The following NYAP2 variants were observed in gnomAD, a reference collection of about 807,000 sequenced individuals.
The protein encoded by NYAP2 is neuronal tyrosine-phosphorylated phosphoinositide-3-kinase adaptor 2.
NYAP2 carries 23 observed loss-of-function variants against 50.4 expected under a neutral mutation model. The observed-to-expected ratio is 0.46, with a 90% CI of 0.33 to 0.65. The LOEUF (loss-of-function observed/expected upper bound fraction) is 0.65. Ranked by LOEUF, NYAP2 falls within the 30% of genes least tolerant of loss-of-function variation. NYAP2 has a pLI of 0.02. For missense variants in NYAP2, 885 were observed against 861.0 expected (o/e 1.03, Z -0.35); for synonymous variants, 394 against 365.2 (o/e 1.08, Z -0.90).
At chr2:225,485,327 C>T (rs1191978977) in intron 3 of NYAP2, among the ~76,000 whole-genome samples, 3 of 152,162 alleles carry the variant, frequency 2.0e-5, no homozygotes, top group African/African-American at 7.2e-5. Flanking sequence ...AACCTCTTTC[C>T]CTTATAAATT....
intron 5 of NYAP2, among the ~76,000 whole-genome samples, chr2:225,597,105 G>T (rs1450004363): frequency 6.6e-6 from 1 of 151,910 alleles, no homozygotes; most frequent in East Asian, 1.9e-4. Context: ...AATGTCCTGG[G>T]GTTAAAAAAA....
At chr2:225,468,291 G>A (rs770687914) in intron 3 of NYAP2, among the ~76,000 whole-genome samples, 11 of 152,066 alleles carry the variant, frequency 7.2e-5, no homozygotes, top group South Asian at 2.1e-4. Flanking sequence ...ATGTGTAGAC[G>A]TAGGCAGAGA....
At chr2:225,684,870 C>T in the NYAP2 span, among the ~76,000 whole-genome samples, 18 of 152,100 alleles carry the variant, frequency 1.2e-4, no homozygotes, top group Non-Finnish European at 2.4e-4. Context: ...GCATTTTATA[C>T]AAAACACAAC....
intron 4 of NYAP2, among the ~76,000 whole-genome samples, chr2:225,547,195 G>T (rs1273222027): frequency 6.6e-6 from 1 of 152,136 alleles, no homozygotes; most frequent in African/African-American, 2.4e-5. Flanking sequence ...TTCTTGAATG[G>T]CATTTCTGGA....
chr2:225,562,613 G>T lies in NYAP2; in HGVS notation c.524-19328G>T, dbSNP rs1164911608. 3.3e-5 allele frequency among the ~76,000 whole-genome samples: 5 copies of T among 152,068 alleles called. No individual in the cohort carries two copies. The East Asian group carries it at 9.7e-4, about 29-fold the overall frequency. ...GTTTTTGTGCTATTTGAAAAGCATT[G>T]TAAGGGCAAATTTGCTTGGAACATA... On this transcript the variant is annotated intron_variant, in intron 4 of 6. Transcript: ENST00000636099.
At chr2:225,555,838 G>A (rs1691767459) in intron 4 of NYAP2, among the ~76,000 whole-genome samples, 1 of 152,048 alleles carries the variant, frequency 6.6e-6, no homozygotes, top group African/African-American at 2.4e-5. Flanking sequence ...AAATTGGTTG[G>A]GGATGCTCCT....
At chr2:225,569,172 A>G (rs910316545) in intron 4 of NYAP2, among the ~76,000 whole-genome samples, 1 of 152,214 alleles carries the variant, frequency 6.6e-6, no homozygotes, top group Non-Finnish European at 1.5e-5. Flanking sequence ...CAGAGCAGAC[A>G]ATGGCTGGTA....
At chr2:225,501,508 C>T (rs552998781) in intron 3 of NYAP2, among the ~76,000 whole-genome samples, 6 of 152,074 alleles carry the variant, frequency 3.9e-5, no homozygotes, top group South Asian at 2.1e-4. Context: ...CAAAACTGAA[C>T]GAATTAATGT....
At chr2:225,632,906 A>G (rs1002207389) in intron 6 of NYAP2, among the ~76,000 whole-genome samples, 1 of 152,184 alleles carries the variant, frequency 6.6e-6, no homozygotes, top group Non-Finnish European at 1.5e-5. Context: ...TTGAACACAA[A>G]TTAATTAGGT....
chr2:225,446,216 G>GTCTGTCTCTCTCTCTCTCTCTC, intron 3 of NYAP2, among the ~76,000 whole-genome samples: 1 of 69,670 alleles, frequency 1.4e-5, no homozygotes, highest in East Asian at 5.0e-4. Context: ...CTGTCTGTCT[G>GTCTGTCTCTCTCTCTCTCTCTC]TCTCTCTCTC....
chr2:225,433,404 A>G (rs545807450), intron 3 of NYAP2, among the ~76,000 whole-genome samples: 2 of 152,106 alleles, frequency 1.3e-5, no homozygotes, highest in East Asian at 3.9e-4. Context: ...TTTTCACTGA[A>G]TTTCCTCCCT....
chr2:225,473,196 T>C (rs1258202675), intron 3 of NYAP2, among the ~76,000 whole-genome samples: 1 of 152,258 alleles, frequency 6.6e-6, no homozygotes, highest in Non-Finnish European at 1.5e-5. Context: ...ATTTTCTTTA[T>C]CCAGTCTATC....
chr2:225,472,953 C>T (rs1204561247), intron 3 of NYAP2, among the ~76,000 whole-genome samples: 2 of 152,162 alleles, frequency 1.3e-5, no homozygotes, highest in African/African-American at 4.8e-5. Flanking sequence ...TGCTATCCTT[C>T]CCCACTCCGC....
intron 4 of NYAP2, among the ~76,000 whole-genome samples, chr2:225,539,276 G>T (rs914787304): frequency 2.0e-5 from 3 of 152,160 alleles, no homozygotes; most frequent in African/African-American, 7.2e-5. Flanking sequence ...CCAAGTCTTT[G>T]CTATTTGTGA....
intron 6 of NYAP2, among the ~76,000 whole-genome samples, chr2:225,638,222 CAGAG>C (rs1165606693): frequency 4.8e-5 from 6 of 125,002 alleles, no homozygotes; most frequent in Non-Finnish European, 7.1e-5. Flanking sequence ...GAGAGAGAGA[CAGAG>C]AGAGAGAGAC....
intron 3 of NYAP2, among the ~76,000 whole-genome samples, chr2:225,421,462 C>T (rs1285741745): frequency 6.6e-6 from 1 of 152,006 alleles, no homozygotes; most frequent in Non-Finnish European, 1.5e-5. Context: ...AAAAAATAAA[C>T]AGTAATGGGG....
chr2:225,656,895 C>A (rs1693838425), downstream of NYAP2, among the ~76,000 whole-genome samples: 1 of 152,194 alleles, frequency 6.6e-6, no homozygotes, highest in Admixed American at 6.5e-5. Context: ...TTCAAAAAAT[C>A]TTTTCTCAAA....
the NYAP2 span, among the ~76,000 whole-genome samples, chr2:225,672,883 T>C: frequency 6.6e-6 from 1 of 152,056 alleles, no homozygotes; most frequent in Non-Finnish European, 1.5e-5. Context: ...TGCCATCTTA[T>C]ATGGGCATGG....
chr2:225,639,127 C>T (rs564100825), intron 6 of NYAP2, among the ~76,000 whole-genome samples: 1 of 152,148 alleles, frequency 6.6e-6, no homozygotes, highest in African/African-American at 2.4e-5. Context: ...CCTTTGCTCC[C>T]CCAGAACAGG....
Sources: allele counts gnomAD v4.1 joint callset (sites outside exome capture counted in the v4.1 genomes callset), GRCh38; gene constraint gnomAD v4.1.1; transcripts MANE v1.5; gene names NCBI Gene and HGNC (gene_info 2026-07-23, HGNC 2026-07-21).